The following PDE1C variants were observed in gnomAD, a reference collection of about 807,000 sequenced individuals.
PDE1C encodes phosphodiesterase 1C.
Under a neutral mutation model 93.1 loss-of-function variants are expected in PDE1C, and 62 were observed. That is an observed-to-expected ratio of 0.67 (90% CI 0.54 to 0.82). PDE1C has a LOEUF of 0.82. Among genes scored for constraint, PDE1C ranks in the 40% least tolerant of loss-of-function variants. The pLI is 0.00. For synonymous variants in PDE1C, 325 were observed against 310.1 expected, an observed-to-expected ratio of 1.05 and a Z score of -0.50; for missense variants, 742 against 884.6, an observed-to-expected ratio of 0.84 and a Z score of 2.04.
chr7:32,016,711 AAGTT>A (rs1182093809), intron 2 of PDE1C, among the ~76,000 whole-genome samples: 1 of 152,202 alleles, frequency 6.6e-6, no homozygotes, highest in African/African-American at 2.4e-5. Flanking sequence ...GAAGGAAGGA[AAGTT>A]AGTAATGATA....
chr7:32,070,157 G>A (rs1226553251), intron 1 of PDE1C, 136 bp downstream of exon 1: 14 of 1,429,572 alleles, frequency 9.8e-6, no homozygotes, highest in Admixed American at 2.3e-5. Flanking sequence ...AATTAACAGA[G>A]CAGCAGTTGT....
the PDE1C span, among the ~76,000 whole-genome samples, chr7:31,734,134 A>G: frequency 6.6e-6 from 1 of 152,200 alleles, no homozygotes; most frequent in African/African-American, 2.4e-5. Context: ...ACAGCTCTTT[A>G]CTGAGCACCT....
intron 1 of PDE1C, among the ~76,000 whole-genome samples, chr7:32,066,888 A>G (rs1280940173): frequency 6.6e-6 from 1 of 152,234 alleles, no homozygotes; most frequent in Non-Finnish European, 1.5e-5. Context: ...AGAGGACAGC[A>G]TCCCTCTGAG....
At chr7:32,153,298 G>T (rs1801372600) in intron 3 of PDE1C, among the ~76,000 whole-genome samples, 1 of 152,168 alleles carries the variant, frequency 6.6e-6, no homozygotes, top group Non-Finnish European at 1.5e-5. Flanking sequence ...AGCTCATTCT[G>T]TGATCATTCC....
the PDE1C span, chr7:31,695,680 T>C: frequency 2.0e-6 from 3 of 1,524,592 alleles, no homozygotes; most frequent in East Asian, 6.9e-5. Context: ...CTAGGTTGCA[T>C]TGTTCGTACA....
At chr7:31,704,565 G>A in the PDE1C span, among the ~76,000 whole-genome samples, 1 of 152,152 alleles carries the variant, frequency 6.6e-6, no homozygotes, top group South Asian at 2.1e-4. Context: ...GAATCTCACG[G>A]TTCAATAGCG....
At chr7:31,966,216 C>G (rs1320009054) in intron 2 of PDE1C, among the ~76,000 whole-genome samples, 1 of 152,142 alleles carries the variant, frequency 6.6e-6, no homozygotes, top group Non-Finnish European at 1.5e-5. Flanking sequence ...GGAAACCCAT[C>G]TCACGTGCAG....
the PDE1C span, among the ~76,000 whole-genome samples, chr7:31,740,192 C>T: frequency 2.6e-5 from 4 of 152,338 alleles, no homozygotes; most frequent in Admixed American, 1.3e-4. Context: ...CTTTGGATGG[C>T]AATGGGCTCT....
chr7:32,403,595 C>T (rs776424438), intron 1 of PDE1C, among the ~76,000 whole-genome samples: 6 of 152,286 alleles, frequency 3.9e-5, no homozygotes, highest in African/African-American at 4.8e-5. Context: ...AAGGTTGTGA[C>T]GATCACATGC....
chr7:32,361,737 A>T (rs1784140288), intron 1 of PDE1C, among the ~76,000 whole-genome samples: 1 of 152,000 alleles, frequency 6.6e-6, no homozygotes, highest in Non-Finnish European at 1.5e-5. Flanking sequence ...CACTTTGTAC[A>T]TCTCTTTCTC....
At chr7:32,265,371 T>TGGGCACATGATCCAATTCA (rs1476317515) in intron 1 of PDE1C, among the ~76,000 whole-genome samples, 1 of 152,170 alleles carries the variant, frequency 6.6e-6, no homozygotes, top group African/African-American at 2.4e-5. Flanking sequence ...GGTTCAAGGA[T>TGGGCACATGATCCAATTCA]GGGCACATGA....
At chr7:31,628,777 A>G in the PDE1C span, among the ~76,000 whole-genome samples, 1 of 152,046 alleles carries the variant, frequency 6.6e-6, no homozygotes, top group Non-Finnish European at 1.5e-5. Context: ...CTTGATGGAA[A>G]CTTTAGTTCT....
chr7:31,979,991 CTAAGTAAATATT>C (rs1216495636), intron 2 of PDE1C, among the ~76,000 whole-genome samples: 1 of 152,126 alleles, frequency 6.6e-6, no homozygotes, highest in African/African-American at 2.4e-5. Flanking sequence ...AGATGGAGGC[CTAAGTAAATATT>C]CCAGGAAAAG....
the PDE1C span, among the ~76,000 whole-genome samples, chr7:31,732,530 C>T: frequency 6.6e-6 from 1 of 152,142 alleles, no homozygotes; most frequent in Non-Finnish European, 1.5e-5. Flanking sequence ...ACTTTGGCTG[C>T]GTTTCCAGCA....
chr7:32,022,315 A>G (rs537511270), intron 2 of PDE1C, among the ~76,000 whole-genome samples: 1 of 152,276 alleles, frequency 6.6e-6, no homozygotes, highest in East Asian at 1.9e-4. Flanking sequence ...TATAAAGTAG[A>G]AAGTATTAAA....
chr7:32,126,555 G>A (rs1799591943), intron 3 of PDE1C, among the ~76,000 whole-genome samples: 1 of 152,138 alleles, frequency 6.6e-6, no homozygotes, highest in Non-Finnish European at 1.5e-5. Flanking sequence ...AAAAACTGAT[G>A]TATTACAGAG....
chr7:32,347,177 A>G (rs564802060), intron 1 of PDE1C, among the ~76,000 whole-genome samples: 1 of 152,318 alleles, frequency 6.6e-6, no homozygotes, highest in African/African-American at 2.4e-5. Context: ...GGTTCACAGC[A>G]TAGGAAACCC....
At chr7:32,070,155 GAGC>G in intron 1 of PDE1C, 135 bp downstream of exon 1, 1 of 1,426,048 alleles carries the variant, frequency 7.0e-7, no homozygotes, top group Non-Finnish European at 9.5e-7. Flanking sequence ...GTAATTAACA[GAGC>G]AGCAGTTGTG....
At chr7:31,715,962 T>C in the PDE1C span, among the ~76,000 whole-genome samples, 1 of 152,176 alleles carries the variant, frequency 6.6e-6, no homozygotes, top group East Asian at 1.9e-4. Context: ...GAATTTGTAT[T>C]TGCCATGAGT....
Sources: gnomAD v4.1 joint callset for allele counts (sites outside exome capture counted in the v4.1 genomes callset) on GRCh38, gnomAD v4.1.1 for gene constraint, MANE v1.5 for transcripts, NCBI Gene and HGNC (gene_info 2026-07-23, HGNC 2026-07-21) for gene names.